Variants in CHRM3 observed in about 807,000 individuals in gnomAD.
CHRM3 encodes the protein muscarinic acetylcholine receptor M3.
Under a neutral mutation model 41.8 loss-of-function variants are expected in CHRM3, and 11 were observed. The ratio of observed to expected loss-of-function variants is 0.26; its 90% CI spans 0.17 to 0.44. The LOEUF is 0.44. CHRM3 is among the 20% of genes least tolerant of loss of function. The pLI, the probability that CHRM3 is intolerant of heterozygous loss-of-function variation, is 1.00. For synonymous variants in CHRM3, 297 were observed against 301.4 expected (o/e 0.99, Z 0.15); for missense variants, 571 against 745.4 (o/e 0.77, Z 2.72).
chr1:239,439,222 T>C (rs1187313289), intron 1 of CHRM3, among the ~76,000 whole-genome samples: 1 of 152,180 alleles, frequency 6.6e-6, no homozygotes, highest in African/African-American at 2.4e-5. Context: ...CTTAGGTTTG[T>C]ATCCGATTAG....
At chr1:239,454,819 G>A (rs7513823) in intron 1 of CHRM3, among the ~76,000 whole-genome samples, 51 of 152,232 alleles carry the variant, frequency 3.4e-4, no homozygotes, top group African/African-American at 1.1e-3. Context: ...TAGTGGTCCC[G>A]TAGGATTATA....
intron 1 of CHRM3, among the ~76,000 whole-genome samples, chr1:239,388,546 C>T (rs1658738828): frequency 6.6e-6 from 1 of 152,128 alleles, no homozygotes. Flanking sequence ...TAAAACAATG[C>T]CCATGTATTT....
chr1:239,790,611 G>C (rs1306472897), intron 5 of CHRM3, among the ~76,000 whole-genome samples: 1 of 152,130 alleles, frequency 6.6e-6, no homozygotes, highest in Non-Finnish European at 1.5e-5. Context: ...ACCCAGTCTT[G>C]GGTATGTCTT....
intron 1 of CHRM3, among the ~76,000 whole-genome samples, chr1:239,400,444 ACG>A (rs1423879453): frequency 6.6e-6 from 1 of 152,074 alleles, no homozygotes; most frequent in Non-Finnish European, 1.5e-5. Flanking sequence ...CCATGCAGAA[ACG>A]TTTTCTCTTG....
At position 239,884,324 on chromosome 1, in the gene CHRM3, A is replaced by T. The variant is rs151205005; in HGVS notation, c.-19-23109A>T. On this transcript the variant is annotated intron_variant, in intron 6 of 6. Transcript: ENST00000676153. The stretch of plus-strand genomic sequence containing the variant: ...AGGCAGTGTAACCATGGAGGCAGAG[A>T]TTGAATTGATGTAGTTATAAGTCAA... Among the ~76,000 whole-genome samples the T allele has an allele frequency of 1.2e-3, 188 of 152,248 alleles. 1 individual carries two copies. Among genetic ancestry groups the T allele is most frequent in the African/African-American group, 4.4e-3 (182 of 41,554 alleles).
At chr1:239,717,904 G>T (rs1276663364) in intron 5 of CHRM3, among the ~76,000 whole-genome samples, 1 of 152,026 alleles carries the variant, frequency 6.6e-6, no homozygotes, top group Non-Finnish European at 1.5e-5. Context: ...TCAGTTTATA[G>T]AGAGTGGCAC....
At chr1:239,858,627 G>A (rs945073806) in intron 6 of CHRM3, among the ~76,000 whole-genome samples, 9 of 151,668 alleles carry the variant, frequency 5.9e-5, no homozygotes, top group South Asian at 2.1e-4. Context: ...AATTAGTCAC[G>A]AATCATTTTA....
Position 239,546,049 on chromosome 1 carries a change from C to T in CHRM3, c.-313+300C>T, listed in dbSNP as rs559208474. The stretch of plus-strand genomic sequence containing the variant: ...ATTAAGAAACGTCACTGGACAGTTT[C>T]GATGTCTTCTGGTCAATATCATATA... On this transcript the variant is annotated intron_variant, in intron 3 of 6. Transcript: ENST00000676153. 50 of 152,150 alleles carry T rather than the reference C, an allele frequency of 3.3e-4. 1 individual carries two copies. Among genetic ancestry groups the T allele is most frequent in the Middle Eastern group, 3.4e-3 (1 of 294 alleles). 9.4% of individuals were successfully genotyped at this position (152,150 alleles called of 1,614,324 possible).
intron 5 of CHRM3, among the ~76,000 whole-genome samples, chr1:239,698,478 A>C (rs1293947882): frequency 3.3e-5 from 5 of 152,218 alleles, no homozygotes; most frequent in Admixed American, 1.3e-4. Context: ...AATTCTACTC[A>C]AACACTTCAT....
chr1:239,723,040 T>C (rs1466365358), intron 5 of CHRM3, among the ~76,000 whole-genome samples: 1 of 151,946 alleles, frequency 6.6e-6, no homozygotes, highest in African/African-American at 2.4e-5. Context: ...TAGAGACTTT[T>C]GAATTTTCTC....
At chr1:239,474,973 CA>C (rs1429301192) in intron 1 of CHRM3, among the ~76,000 whole-genome samples, 1 of 151,988 alleles carries the variant, frequency 6.6e-6, no homozygotes, top group African/African-American at 2.4e-5. Context: ...ATTTTGGCCA[CA>C]AGCAGAACTA....
At chr1:239,828,977 A>C (rs772810736) in intron 6 of CHRM3, among the ~76,000 whole-genome samples, 2 of 152,214 alleles carry the variant, frequency 1.3e-5, no homozygotes, top group Admixed American at 6.5e-5. Flanking sequence ...TGGGATGCAC[A>C]CTATGAGGGC....
At chr1:239,740,174 C>T (rs941123244) in intron 5 of CHRM3, among the ~76,000 whole-genome samples, 1 of 152,052 alleles carries the variant, frequency 6.6e-6, no homozygotes, top group Admixed American at 6.5e-5. Context: ...CCTTCCACTT[C>T]CTATTGGGCA....
At chr1:239,861,779 C>T (rs1218743195) in intron 6 of CHRM3, among the ~76,000 whole-genome samples, 1 of 152,058 alleles carries the variant, frequency 6.6e-6, no homozygotes, top group African/African-American at 2.4e-5. Flanking sequence ...ATCCAGGGTT[C>T]CATTTTGTTT....
chr1:239,852,562 G>C (rs1674783022), intron 6 of CHRM3, among the ~76,000 whole-genome samples: 1 of 152,168 alleles, frequency 6.6e-6, no homozygotes, highest in Non-Finnish European at 1.5e-5. Flanking sequence ...GCCAAGACTA[G>C]AATTCGGGGC....
chr1:239,573,609 T>A (rs1558330500), intron 3 of CHRM3, among the ~76,000 whole-genome samples: 4 of 152,098 alleles, frequency 2.6e-5, no homozygotes, highest in Admixed American at 2.6e-4. Flanking sequence ...ATGCAATGTA[T>A]GCAGTGTAGA....
At position 239,912,548 on chromosome 1, in the gene CHRM3, CT is replaced by C. The variant is rs1248485292; in HGVS notation, c.*3325del. On this transcript the variant is annotated 3_prime_UTR_variant, in exon 7 of 7. Coordinates refer to ENST00000676153, the MANE Select transcript of CHRM3 (RefSeq NM_001375978.1). ...CGTTGCCCTCGTGCAGGGCTCATTG[CT>C]CTGCAGAGCGCTGGAAGCCCCTTCA... 1 of 167,120 alleles carries C rather than the reference CT, an allele frequency of 6.0e-6. No homozygotes were observed. The highest frequency in any genetic ancestry group is 1.9e-4 in the East Asian group (1 of 5,196). 10.4% of individuals were successfully genotyped at this position (167,120 alleles called of 1,614,324 possible).
At chr1:239,864,757 G>C (rs1007248092) in intron 6 of CHRM3, among the ~76,000 whole-genome samples, 1 of 152,086 alleles carries the variant, frequency 6.6e-6, no homozygotes. Flanking sequence ...AAAAATGGAA[G>C]ATTTTTCCTT....
At chr1:239,618,976 G>A (rs1668052377) in intron 3 of CHRM3, among the ~76,000 whole-genome samples, 2 of 150,466 alleles carry the variant, frequency 1.3e-5, no homozygotes, top group African/African-American at 2.4e-5. Flanking sequence ...GTGCAGTGGC[G>A]GGATCTTGGC....
Sources: gnomAD v4.1 joint callset for allele counts (sites outside exome capture counted in the v4.1 genomes callset) on GRCh38, gnomAD v4.1.1 for gene constraint, MANE v1.5 for transcripts, NCBI Gene and HGNC (gene_info 2026-07-23, HGNC 2026-07-21) for gene names.